LAMC3: variants seen among roughly 807,000 people sequenced by gnomAD.
LAMC3 encodes the protein laminin subunit gamma-3.
A neutral mutation model predicts 173.8 loss-of-function variants in LAMC3; 128 were observed. The observed-to-expected ratio is 0.74, with a 90% CI of 0.64 to 0.85. LAMC3 has a LOEUF of 0.85. Ranked by LOEUF, LAMC3 falls within the 40% of genes least tolerant of loss-of-function variation. The pLI, the probability that LAMC3 is intolerant of heterozygous loss-of-function variation, is 0.00. For missense variants in LAMC3, 2,022 were observed against 2,156.0 expected (o/e 0.94, Z 1.23); for synonymous variants, 897 against 909.1 (o/e 0.99, Z 0.24).
At chr9:131,082,510 G>C (rs1041365510) in intron 24 of LAMC3, among the ~76,000 whole-genome samples, 3 of 152,162 alleles carry the variant, frequency 2.0e-5, no homozygotes, top group African/African-American at 4.8e-5. Flanking sequence ...ATGGCTGTCC[G>C]GGTCCAATGT....
intron 17 of LAMC3, among the ~76,000 whole-genome samples, chr9:131,070,103 C>A (rs1015669487): frequency 1.3e-5 from 2 of 152,248 alleles, no homozygotes; most frequent in Non-Finnish European, 2.9e-5. Flanking sequence ...CCCACCACGC[C>A]AGGCTGGGGT....
rs541353098 is a variant in LAMC3 at position 131,086,317 on chromosome 9, A to T, written c.4230+594A>T. On this transcript the variant is annotated intron_variant, in intron 25 of 27. Transcript: ENST00000361069. ...GGTCTCGAACTTCTGATCTCAGATG[A>T]TCCACCTACCTTGGCCTCCCAAAGT... is the stretch of plus-strand genomic sequence containing the variant. Among the ~76,000 whole-genome samples the T allele has an allele frequency of 2.0e-5, 3 of 151,406 alleles. No homozygotes were observed. The South Asian group carries it at 6.3e-4, about 32-fold the overall frequency.
At position 131,068,678 on chromosome 9, in the gene LAMC3, G is replaced by A. The variant is rs10901341; in HGVS notation, c.2748-230G>A. Reference sequence around the variant, plus strand: ...TCCAACAGAGGGGTATAGTCTCCCCGAGACACGTTTGTCCCCATAGCCTTA... The same window carrying A: ...TCCAACAGAGGGGTATAGTCTCCCCAAGACACGTTTGTCCCCATAGCCTTA... On this transcript the variant is annotated intron_variant, in intron 15 of 27. Coordinates refer to ENST00000361069, the MANE Select transcript of LAMC3 (RefSeq NM_006059.4). 0.22 allele frequency among the ~76,000 whole-genome samples: 33,094 copies of A among 152,092 alleles called. 4,423 individuals carry two copies. Among genetic ancestry groups the A allele is most frequent in the Middle Eastern group, 0.29 (86 of 294 alleles).
intron 1 of LAMC3, among the ~76,000 whole-genome samples, chr9:131,017,615 A>G (rs1833547917): frequency 6.8e-6 from 1 of 147,848 alleles, no homozygotes; most frequent in African/African-American, 2.5e-5. Context: ...AATCCCAGCT[A>G]CTTGGGAGGC....
chr9:131,030,401 G>A (rs1303143708), intron 2 of LAMC3, among the ~76,000 whole-genome samples: 2 of 152,204 alleles, frequency 1.3e-5, no homozygotes, highest in Admixed American at 6.5e-5. Flanking sequence ...AAGCAGAGGT[G>A]GGAGACCTTG....
intron 11 of LAMC3, among the ~76,000 whole-genome samples, chr9:131,055,565 C>T (rs1834386596): frequency 6.6e-6 from 1 of 151,246 alleles, no homozygotes; most frequent in Admixed American, 6.6e-5. Context: ...GCTAGGACTA[C>T]AGGCGCCCGC....
In LAMC3 at chr9:131,057,129, A is replaced by G; in HGVS notation, c.2140A>G (p.Thr714Ala). ...CCCCTGCACCTGTAACCAGCATGGCACCTGTGACCCCAACACAGGTGAGTC... is the reference window on the plus strand; with the variant it reads ...CCCCTGCACCTGTAACCAGCATGGCGCCTGTGACCCCAACACAGGTGAGTC... ...CVPCTCNQHGTCDPNTGICVC... is the reference protein window; with the variant it reads ...CVPCTCNQHGACDPNTGICVC... The change falls in exon 12 of 28, where the codon ACC becomes GCC. Residue 714 changes from threonine (T) to alanine (A), a missense_variant. Thr to Ala is a moderately conservative substitution (Grantham distance 58, BLOSUM62 0). Coordinates refer to ENST00000361069, the MANE Select transcript of LAMC3 (RefSeq NM_006059.4). The G allele has an allele frequency of 1.9e-6, 3 of 1,614,024 alleles. No individual in the cohort carries two copies. The highest frequency in any genetic ancestry group is 1.7e-6 in the Non-Finnish European group (2 of 1,179,980).
At chr9:131,073,543 C>T (rs1166363637) in intron 20 of LAMC3, among the ~76,000 whole-genome samples, 1 of 152,212 alleles carries the variant, frequency 6.6e-6, no homozygotes, top group Non-Finnish European at 1.5e-5. Context: ...CAGAGAGCAT[C>T]TGCCGGCTTT....
At chr9:131,076,772 G>A (rs1423475095) in intron 21 of LAMC3, among the ~76,000 whole-genome samples, 1 of 152,214 alleles carries the variant, frequency 6.6e-6, no homozygotes. Flanking sequence ...ATTCATCAGT[G>A]GTGAGGACGT....
chr9:131,063,085 G>C (rs560019637), intron 13 of LAMC3, among the ~76,000 whole-genome samples: 1 of 152,302 alleles, frequency 6.6e-6, no homozygotes, highest in South Asian at 2.1e-4. Context: ...TTTGGTACGT[G>C]TGGCTGCATT....
chr9:131,032,581 T>TCTCTCTCTTGCTCTCTCTCGCC (rs1833856049), intron 3 of LAMC3, among the ~76,000 whole-genome samples: 1 of 140,356 alleles, frequency 7.1e-6, no homozygotes, highest in Admixed American at 6.9e-5. Flanking sequence ...TCTCTCTCGC[T>TCTCTCTCTTGCTCTCTCTCGCC]TGCTCTCTTT....
chr9:131,087,654 T>G (rs758893803), intron 26 of LAMC3, 32 bp downstream of exon 26: 82 of 1,613,614 alleles, frequency 5.1e-5, no homozygotes, highest in Non-Finnish European at 6.8e-5. Flanking sequence ...CCCTATCGCC[T>G]CCTGCCCCTG....
chr9:131,088,482 G>A (rs943864564), intron 27 of LAMC3, among the ~76,000 whole-genome samples: 3 of 152,188 alleles, frequency 2.0e-5, no homozygotes, highest in South Asian at 2.1e-4. Context: ...CCCAAGGCAC[G>A]AAGGTTGCAG....
At chr9:131,010,068 C>T (rs1372334322) in intron 1 of LAMC3, among the ~76,000 whole-genome samples, 2 of 148,780 alleles carry the variant, frequency 1.3e-5, no homozygotes, top group Non-Finnish European at 3.0e-5. Flanking sequence ...GCAGGAGAAT[C>T]GCTTGAACCC....
chr9:131,073,042 A>G (rs527306415), intron 19 of LAMC3, among the ~76,000 whole-genome samples: 1 of 152,276 alleles, frequency 6.6e-6, no homozygotes, highest in East Asian at 1.9e-4. Context: ...AGGAGACTGA[A>G]TGCGCAGTAA....
chr9:131,064,753 C>T (rs1161313713), intron 13 of LAMC3, among the ~76,000 whole-genome samples: 1 of 146,592 alleles, frequency 6.8e-6, no homozygotes, highest in Non-Finnish European at 1.5e-5. Context: ...AACATGTGAG[C>T]AGCCGGGCGT....
chr9:131,060,672 A>ACAG, intron 12 of LAMC3, among the ~76,000 whole-genome samples: 1 of 138,214 alleles, frequency 7.2e-6, no homozygotes. Flanking sequence ...AATAATAATA[A>ACAG]CAGCAGCGAT....
At position 131,062,916 on chromosome 9, in the gene LAMC3, C is replaced by T. The variant is rs377649134; in HGVS notation, c.2347+1693C>T. Among the ~76,000 whole-genome samples, 6 of 152,042 alleles carry T rather than the reference C, an allele frequency of 3.9e-5. No individual in the cohort carries two copies. In the East Asian group the frequency reaches 9.6e-4, roughly 24 times the overall value. ...AAGGATTGTTGAATAGCCCTTCCTC[C>T]CTCCAGCCCCTGATAACAGCTGTTC... On this transcript the variant is annotated intron_variant, in intron 13 of 27. Coordinates refer to ENST00000361069, the MANE Select transcript of LAMC3 (RefSeq NM_006059.4).
At position 131,069,693 on chromosome 9, in the gene LAMC3, G is replaced by A; in HGVS notation, c.2912G>A (p.Gly971Asp). The change falls in exon 17 of 28, where the codon GGC becomes GAC. Residue 971 changes from glycine (G) to aspartate (D), a missense_variant. Physicochemically the swap from Gly to Asp is moderately conservative, Grantham distance 94 (BLOSUM62 -1). Transcript: ENST00000361069. ...CTAGCCTGCAGGTGCTCCCCACTGG[G>A]CGCTGCCTCGGCCCAGTGCCACGAG... Reference protein sequence around the residue: ...GCRACRCSPLGAASAQCHENG... With the variant: ...GCRACRCSPLDAASAQCHENG... 1 of 1,603,770 alleles carries A rather than the reference G, an allele frequency of 6.2e-7. No homozygotes were observed. The highest frequency in any genetic ancestry group is 8.5e-7 in the Non-Finnish European group (1 of 1,176,568).
Sources: allele counts gnomAD v4.1 joint callset (sites outside exome capture counted in the v4.1 genomes callset), GRCh38; gene constraint gnomAD v4.1.1; transcripts MANE v1.5; gene names NCBI Gene and HGNC (gene_info 2026-07-23, HGNC 2026-07-21).